Variants in CEP120 observed in about 807,000 individuals in gnomAD.
CEP120 encodes the protein centrosomal protein of 120 kDa.
CEP120 carries 113 observed loss-of-function variants against 126.5 expected under a neutral mutation model. That is an observed-to-expected ratio of 0.89 (90% CI 0.77 to 1.04). The LOEUF (loss-of-function observed/expected upper bound fraction) is 1.04. Ranked by LOEUF, CEP120 falls within the 50% of genes least tolerant of loss-of-function variation. The pLI, the probability that CEP120 is intolerant of heterozygous loss-of-function variation, is 0.00. For synonymous variants in CEP120, 400 were observed against 394.3 expected (o/e 1.01, Z -0.17); for missense variants, 1,230 against 1,155.7 (o/e 1.06, Z -0.93).
Position 123,346,189 on chromosome 5 carries a change from A to ATAT in CEP120, c.*329_*330insATA, listed in dbSNP as rs1768803860. On this transcript the variant is annotated 3_prime_UTR_variant, in exon 20 of 20. Coordinates refer to ENST00000306467, the MANE Select transcript of CEP120 (RefSeq NM_001375405.1). ...CTTTTGGCTCAACATGAAACATTAT[A>ATAT]GAACTGGAAATTACCGCAGTCATTT... 4.4e-6 allele frequency: 1 copy of ATAT among 226,218 alleles called. No homozygotes were observed. The highest frequency in any genetic ancestry group is 1.1e-4 in the East Asian group (1 of 8,990). 14.0% of individuals were successfully genotyped at this position (226,218 alleles called of 1,614,324 possible). A position where few individuals can be genotyped will look rare whatever the true frequency, so the allele number is the denominator to read the frequency against.
intron 18 of CEP120, among the ~76,000 whole-genome samples, chr5:123,357,470 T>C (rs1238597638): frequency 6.6e-6 from 1 of 152,138 alleles, no homozygotes; most frequent in East Asian, 1.9e-4. Flanking sequence ...AGTATAATAA[T>C]GGTAGTATTT....
intron 13 of CEP120, 77 bp downstream of exon 13, chr5:123,382,660 T>G: frequency 7.3e-7 from 1 of 1,369,988 alleles, no homozygotes; most frequent in Non-Finnish European, 9.9e-7. Context: ...AACATAGAGA[T>G]TAAACCTTGC....
intron 18 of CEP120, among the ~76,000 whole-genome samples, chr5:123,350,910 T>C (rs1769158598): frequency 6.6e-6 from 1 of 152,196 alleles, no homozygotes; most frequent in Non-Finnish European, 1.5e-5. Flanking sequence ...ACAGACACTT[T>C]TGCTACTACA....
In CEP120 at chr5:123,390,050, CAGTA is replaced by C. The variant is rs1772290224; in HGVS notation, c.1125_1128del (p.Thr376GlyfsTer54). ...GGGGACACTGTTGGTGATTTTGGCC[CAGTA>C]AGTGTCTTCTCCTTTATGGGGGTTA... On this transcript the variant is annotated frameshift_variant, in exon 8 of 20. Transcript: ENST00000306467. LOFTEE classifies it high-confidence loss of function. 6.2e-7 allele frequency: 1 copy of C among 1,613,978 alleles called. No homozygotes were observed. The highest frequency in any genetic ancestry group is 8.5e-7 in the Non-Finnish European group (1 of 1,180,006).
chr5:123,415,147 C>T (rs1774304649), intron 3 of CEP120, among the ~76,000 whole-genome samples: 1 of 152,074 alleles, frequency 6.6e-6, no homozygotes. Flanking sequence ...CTTGCTCTGA[C>T]TGCTATGCAA....
chr5:123,396,769 C>T (rs1772817877), intron 5 of CEP120, among the ~76,000 whole-genome samples: 2 of 152,124 alleles, frequency 1.3e-5, no homozygotes, highest in African/African-American at 4.8e-5. Context: ...GGCAAGAGAG[C>T]ATTATATGGG....
At chr5:123,411,175 A>G (rs568286773) in intron 4 of CEP120, among the ~76,000 whole-genome samples, 2 of 152,268 alleles carry the variant, frequency 1.3e-5, no homozygotes, top group African/African-American at 4.8e-5. Flanking sequence ...AAACACTAAC[A>G]CCACCAAATT....
chr5:123,355,504 T>C (rs980693963), intron 18 of CEP120, among the ~76,000 whole-genome samples: 1 of 152,064 alleles, frequency 6.6e-6, no homozygotes, highest in South Asian at 2.1e-4. Flanking sequence ...AGTATCTCAT[T>C]GTGGCTTTGA....
chr5:123,370,564 C>T (rs898660608), intron 17 of CEP120, among the ~76,000 whole-genome samples: 1 of 151,452 alleles, frequency 6.6e-6, no homozygotes, highest in Non-Finnish European at 1.5e-5. Context: ...GTAGTCTCAA[C>T]CTCTTTGGGC....
chr5:123,362,834 G>A (rs1770186727), intron 18 of CEP120, among the ~76,000 whole-genome samples: 1 of 151,546 alleles, frequency 6.6e-6, no homozygotes, highest in African/African-American at 2.4e-5. Context: ...CCCAACAACA[G>A]ATCCATATTT....
intron 5 of CEP120, among the ~76,000 whole-genome samples, chr5:123,395,289 C>T (rs984967843): frequency 5.3e-5 from 8 of 152,170 alleles, no homozygotes; most frequent in Non-Finnish European, 1.0e-4. Context: ...TGTCACTAGC[C>T]GGCCTTCCTG....
chr5:123,410,594 C>A (rs1773993322), intron 4 of CEP120, among the ~76,000 whole-genome samples: 2 of 152,196 alleles, frequency 1.3e-5, no homozygotes, highest in African/African-American at 2.4e-5. Context: ...CAAAGAAAGT[C>A]TTTTCAACAA....
chr5:123,361,035 T>C (rs1000308119), intron 18 of CEP120, among the ~76,000 whole-genome samples: 1 of 151,372 alleles, frequency 6.6e-6, no homozygotes, highest in Non-Finnish European at 1.5e-5. Context: ...GTTTCAATAA[T>C]TAATGATTAT....
chr5:123,352,755 T>C (rs960107457), intron 18 of CEP120, among the ~76,000 whole-genome samples: 48 of 152,050 alleles, frequency 3.2e-4, no homozygotes, highest in African/African-American at 1.2e-3. Context: ...AATCCACAGA[T>C]CAATTTGGCC....
At chr5:123,369,806 A>C (rs1441089323) in intron 17 of CEP120, among the ~76,000 whole-genome samples, 1 of 152,056 alleles carries the variant, frequency 6.6e-6, no homozygotes, top group East Asian at 1.9e-4. Flanking sequence ...TGACATAAAC[A>C]AAAATGATCT....
intron 17 of CEP120, among the ~76,000 whole-genome samples, chr5:123,367,690 G>C (rs1436537971): frequency 2.0e-5 from 3 of 151,782 alleles, no homozygotes; most frequent in African/African-American, 7.3e-5. Flanking sequence ...TTTGGATAAG[G>C]GATATGCAAC....
Position 123,393,472 on chromosome 5 carries a change from G to C in CEP120, c.638C>G (p.Pro213Arg). Residue 213 changes from proline (P) to arginine (R), a missense_variant, in exon 6 of 20, where the codon CCA becomes CGA. By Grantham distance (103) the Pro-to-Arg change is moderately radical. Coordinates refer to ENST00000306467, the MANE Select transcript of CEP120 (RefSeq NM_001375405.1). ...AAAGAAAAACTCAGGCTGTCTTTCT[G>C]GAAGTTTCATGGTACATGGAATTAA... ...EQLIPCTMKL[P>R]ERQPEFFFYY... 1 of 1,613,870 alleles carries C rather than the reference G, an allele frequency of 6.2e-7. No homozygotes were observed. Among genetic ancestry groups the C allele is most frequent in the Non-Finnish European group, 8.5e-7 (1 of 1,179,858 alleles).
At chr5:123,414,160 C>A (rs1461294708) in intron 3 of CEP120, among the ~76,000 whole-genome samples, 2 of 152,156 alleles carry the variant, frequency 1.3e-5, no homozygotes, top group Non-Finnish European at 2.9e-5. Flanking sequence ...CAGATACCCC[C>A]CTAAGAGGAT....
intron 18 of CEP120, among the ~76,000 whole-genome samples, chr5:123,359,542 A>G (rs1341015815): frequency 6.6e-6 from 1 of 152,018 alleles, no homozygotes; most frequent in African/African-American, 2.4e-5. Flanking sequence ...AAATATTTCT[A>G]TAGTATATCT....
Sources: allele counts gnomAD v4.1 joint callset (sites outside exome capture counted in the v4.1 genomes callset), GRCh38; gene constraint gnomAD v4.1.1; transcripts MANE v1.5; gene names NCBI Gene and HGNC (gene_info 2026-07-23, HGNC 2026-07-21).